Variants in RIPOR3 observed in about 807,000 individuals in gnomAD.
The protein encoded by RIPOR3 is RIPOR family member 3.
A neutral mutation model predicts 114.3 loss-of-function variants in RIPOR3; 95 were observed. The observed-to-expected ratio is 0.83, with a 90% CI of 0.70 to 0.99. The LOEUF is 0.99. RIPOR3 is among the 50% of genes least tolerant of loss of function. The probability of loss-of-function intolerance (pLI) is 0.00; values close to 1 mark genes in which losing one functional copy is unlikely to be tolerated. For missense variants in RIPOR3, 1,252 were observed against 1,266.9 expected, an observed-to-expected ratio of 0.99 and a Z score of 0.18; for synonymous variants, 575 against 543.8, an observed-to-expected ratio of 1.06 and a Z score of -0.80.
rs150797236 is a variant in RIPOR3 at position 50,632,493 on chromosome 20, C to A, written c.4-1637G>T. 1.8e-3 allele frequency among the ~76,000 whole-genome samples: 267 copies of A among 152,284 alleles called. 1 individual carries two copies. The highest frequency in any genetic ancestry group is 4.4e-3 in the African/African-American group (182 of 41,554). Reference sequence around the variant, plus strand: ...CAGGGAGAGCCAAGTGAGAAGTGAGCGGCTTCTAGCCCGGATGGAGGAAGG... The same window carrying A: ...CAGGGAGAGCCAAGTGAGAAGTGAGAGGCTTCTAGCCCGGATGGAGGAAGG... On this transcript the variant is annotated intron_variant, in intron 1 of 21. Coordinates refer to ENST00000327979, the MANE Select transcript of RIPOR3 (RefSeq NM_001290268.2).
intron 1 of RIPOR3, among the ~76,000 whole-genome samples, chr20:50,689,549 C>A (rs2087139180): frequency 1.3e-5 from 2 of 152,190 alleles, no homozygotes; most frequent in African/African-American, 2.4e-5. Context: ...AACTTAAGCG[C>A]TCTTCAACCA....
At chr20:50,663,317 G>T (rs747670626) in intron 1 of RIPOR3, among the ~76,000 whole-genome samples, 1 of 152,168 alleles carries the variant, frequency 6.6e-6, no homozygotes, top group Non-Finnish European at 1.5e-5. Context: ...TGGCTACAAC[G>T]TGCTTAATGA....
At chr20:50,671,398 A>G (rs1384119463) in intron 1 of RIPOR3, among the ~76,000 whole-genome samples, 2 of 148,068 alleles carry the variant, frequency 1.4e-5, no homozygotes, top group Non-Finnish European at 3.0e-5. Context: ...CCTCTCTCTC[A>G]CATGAGCACG....
At chr20:50,588,955 G>A (rs9305104) in intron 20 of RIPOR3, among the ~76,000 whole-genome samples, 91,437 of 150,512 alleles carry the variant, frequency 0.61, 27,784 homozygotes, top group Middle Eastern at 0.76. Flanking sequence ...GGTGGTGGGC[G>A]CCTGTAGTCC....
rs2082940887 is a variant in RIPOR3, at chr20:50,586,989, G to A, written c.*243C>T. 2.1e-6 allele frequency: 1 copy of A among 472,128 alleles called. No homozygotes were observed. Among genetic ancestry groups the A allele is most frequent in the Non-Finnish European group, 3.8e-6 (1 of 260,906 alleles). The allele number at this position is 472,128 out of a possible 1,614,324, so 29.2% of individuals were successfully genotyped here. On this transcript the variant is annotated 3_prime_UTR_variant, in exon 22 of 22. Transcript: ENST00000327979. ...ACACAGACCCTCAGCCAGAAGTTGAGCGCTCTGTTGAGGCCGTGCAGCCCC... is the reference window on the plus strand; with the variant it reads ...ACACAGACCCTCAGCCAGAAGTTGAACGCTCTGTTGAGGCCGTGCAGCCCC...
chr20:50,649,574 C>T lies in RIPOR3; in HGVS notation c.4-18718G>A, dbSNP rs550755398. On this transcript the variant is annotated intron_variant, in intron 1 of 21. Coordinates refer to ENST00000327979, the MANE Select transcript of RIPOR3 (RefSeq NM_001290268.2). ...CTTGGCCATGCAGCCAGGCCTGGCCCAGCCTGCCTGTCCCCCACCCCCACC... is the reference window on the plus strand; with the variant it reads ...CTTGGCCATGCAGCCAGGCCTGGCCTAGCCTGCCTGTCCCCCACCCCCACC... Among the ~76,000 whole-genome samples the T allele has an allele frequency of 2.0e-5, 3 of 152,338 alleles. No homozygotes were observed. The East Asian group carries it at 5.8e-4, about 29-fold the overall frequency.
intron 19 of RIPOR3, among the ~76,000 whole-genome samples, chr20:50,591,272 A>G (rs2083098855): frequency 6.6e-6 from 1 of 152,256 alleles, no homozygotes; most frequent in Non-Finnish European, 1.5e-5. Context: ...TTAATTTTTT[A>G]GATAAGATAA....
Position 50,602,144 on chromosome 20 carries a change from C to T in RIPOR3, c.1587G>A (p.Arg529=). The change falls in exon 13 of 22, where the codon AGG becomes AGA. Residue 529 remains arginine, a synonymous_variant. Transcript: ENST00000327979. This position sits in a 1 kb window ranked among gnomAD's most constrained non-coding sequence, Gnocchi z 4.3. ...GCTGGGGCTGGGTGGAGTCCGTGGG[C>T]CTCAGCAACTCCAGGACCTCCTGCA... is the stretch of plus-strand genomic sequence containing the variant. ...GPLQEVLELL[R]PTDSTQPQLR... is the part of the protein sequence containing the mutation. 6.2e-7 allele frequency: 1 copy of T among 1,612,046 alleles called. No individual in the cohort carries two copies. The highest frequency in any genetic ancestry group is 8.5e-7 in the Non-Finnish European group (1 of 1,179,358).
At chr20:50,656,013 T>C (rs1378408371) in intron 1 of RIPOR3, among the ~76,000 whole-genome samples, 1 of 152,084 alleles carries the variant, frequency 6.6e-6, no homozygotes, top group Non-Finnish European at 1.5e-5. Flanking sequence ...TTTTTCTTTT[T>C]TTCTTTTTTT....
intron 1 of RIPOR3, among the ~76,000 whole-genome samples, chr20:50,653,480 G>A (rs1831538): frequency 0.018 from 2,721 of 151,086 alleles, 95 homozygotes; most frequent in African/African-American, 0.063. Context: ...CTATTACCCA[G>A]GCTGGAGTGC....
At chr20:50,640,392 G>T (rs1417547293) in intron 1 of RIPOR3, among the ~76,000 whole-genome samples, 1 of 149,986 alleles carries the variant, frequency 6.7e-6, no homozygotes, top group Admixed American at 6.6e-5. Flanking sequence ...TGGCCCTGTG[G>T]CACGGCTGCA....
At chr20:50,587,968 C>T in intron 20 of RIPOR3, 76 bp from the exon 21 acceptor site, 7 of 1,393,762 alleles carry the variant, frequency 5.0e-6, no homozygotes, top group Non-Finnish European at 6.0e-6. Flanking sequence ...AGTGGCCCTG[C>T]AGGGCCAGTC....
At chr20:50,616,394 G>A (rs2084174673) in intron 3 of RIPOR3, among the ~76,000 whole-genome samples, 1 of 152,190 alleles carries the variant, frequency 6.6e-6, no homozygotes, top group South Asian at 2.1e-4. Flanking sequence ...CCAGGCTGGA[G>A]TGCAGTGGTG....
chr20:50,631,151 T>C (rs1390823039), intron 1 of RIPOR3, among the ~76,000 whole-genome samples: 1 of 152,150 alleles, frequency 6.6e-6, no homozygotes, highest in Admixed American at 6.6e-5. Flanking sequence ...CAGCACCTCC[T>C]GAACACAGCC....
chr20:50,654,830 C>T (rs911859877), intron 1 of RIPOR3, among the ~76,000 whole-genome samples: 4 of 152,204 alleles, frequency 2.6e-5, no homozygotes, highest in African/African-American at 9.7e-5. Flanking sequence ...ACTGCAGCCT[C>T]AACTTCCCAA....
intron 1 of RIPOR3, among the ~76,000 whole-genome samples, chr20:50,674,310 T>C (rs1271429242): frequency 6.6e-6 from 1 of 151,994 alleles, no homozygotes; most frequent in East Asian, 1.9e-4. Flanking sequence ...AATGTGACCT[T>C]GGGCAAATCA....
At chr20:50,587,757 G>T (rs764308750) in intron 21 of RIPOR3, 45 bp downstream of exon 21, 3 of 1,590,628 alleles carry the variant, frequency 1.9e-6, no homozygotes, top group Non-Finnish European at 2.6e-6. Flanking sequence ...GATTCTAAGG[G>T]CCCCAGGCAC....
rs761466207 is a variant in RIPOR3, at chr20:50,602,623, G to C, written c.1108C>G (p.Gln370Glu). 2.7e-6 allele frequency: 4 copies of C among 1,507,954 alleles called. No individual in the cohort carries two copies. Among genetic ancestry groups the C allele is most frequent in the African/African-American group, 1.4e-5 (1 of 71,432 alleles). The allele number at this position is 1,507,954 out of a possible 1,614,324, so 93.4% of individuals were successfully genotyped here. A position where few individuals can be genotyped will look rare whatever the true frequency, so the allele number is the denominator to read the frequency against. ...YYLSVLQQPT[Q>E]QALLLGGPRA... ...GGGCCACCCAGCAGCAAGGCCTGCT[G>C]TGTTGGCTGCTGTAGGACAGACTGG... The change falls in exon 13 of 22, where the codon CAG becomes GAG. Residue 370 changes from glutamine to glutamate, a missense_variant. By Grantham distance (29) the Gln-to-Glu change is conservative. Transcript: ENST00000327979. The surrounding 1 kb of genome is among the most constrained non-coding windows in gnomAD (Gnocchi z 4.3).
intron 1 of RIPOR3, among the ~76,000 whole-genome samples, chr20:50,651,956 A>G (rs1342659485): frequency 1.3e-5 from 2 of 152,206 alleles, no homozygotes; most frequent in African/African-American, 4.8e-5. Context: ...GTGTTATGTT[A>G]TTGTGGACAT....
Sources: allele counts gnomAD v4.1 joint callset (sites outside exome capture counted in the v4.1 genomes callset), GRCh38; gene constraint gnomAD v4.1.1; non-coding constraint Gnocchi (gnomAD v3.1); transcripts MANE v1.5; gene names NCBI Gene and HGNC (gene_info 2026-07-23, HGNC 2026-07-21).